Variants in SYN2 observed in about 807,000 individuals in gnomAD.
SYN2 encodes the protein synapsin II.
A neutral mutation model predicts 50.9 loss-of-function variants in SYN2; 19 were observed. The observed-to-expected ratio is 0.37, with a 90% confidence interval of 0.26 to 0.55. The LOEUF (loss-of-function observed/expected upper bound fraction) is 0.55, where lower values mean the gene tolerates loss of function less well. Ranked by LOEUF, SYN2 falls within the 20% of genes least tolerant of loss-of-function variation. The probability of loss-of-function intolerance (pLI) is 0.81; values close to 1 mark genes in which losing one functional copy is unlikely to be tolerated. For missense variants in SYN2, 587 were observed against 576.4 expected, an observed-to-expected ratio of 1.02 and a Z score of -0.19; for synonymous variants, 255 against 224.9, an observed-to-expected ratio of 1.13 and a Z score of -1.20.
rs1223322333 is a variant in SYN2 at position 12,191,608 on chromosome 3, C to T, written c.*983C>T. On this transcript the variant is annotated 3_prime_UTR_variant, in exon 13 of 13. Coordinates refer to ENST00000621198, the MANE Select transcript of SYN2 (RefSeq NM_133625.6). Reference sequence around the variant, plus strand: ...TGAGAATGTGTCTGTCCTTTACATACCACTTCTGGGCCTCCTCGCACCTCC... The same window carrying T: ...TGAGAATGTGTCTGTCCTTTACATATCACTTCTGGGCCTCCTCGCACCTCC... 6.6e-6 allele frequency among the ~76,000 whole-genome samples: 1 copy of T among 152,092 alleles called. No individual in the cohort carries two copies. The highest frequency in any genetic ancestry group is 1.5e-5 in the Non-Finnish European group (1 of 68,008).
intron 1 of SYN2, among the ~76,000 whole-genome samples, chr3:12,094,803 G>T (rs952242889): frequency 6.6e-6 from 1 of 152,200 alleles, no homozygotes; most frequent in Non-Finnish European, 1.5e-5. Context: ...TGACTCCCAG[G>T]TGTCATCTTG....
rs1263512819 is a variant in SYN2, at chr3:12,187,395, C to G, written c.1396C>G (p.Gln466Glu). ...QGGPGQPQGMQPPGKVLPPRR... is the reference protein window; with the variant it reads ...QGGPGQPQGMEPPGKVLPPRR... ...GGGCCCTGGGCAACCCCAAGGAATG[C>G]AGCCCCCAGGCAAGGTGCTGCCTCC... The change falls in exon 12 of 13, where the codon CAG becomes GAG. Residue 466 changes from glutamine (Q) to glutamate (E), a missense_variant. By Grantham distance (29) the Gln-to-Glu change is conservative. Coordinates refer to ENST00000621198, the MANE Select transcript of SYN2 (RefSeq NM_133625.6). 6.5e-7 allele frequency: 1 copy of G among 1,548,712 alleles called. No homozygotes were observed. Among genetic ancestry groups the G allele is most frequent in the African/African-American group, 1.4e-5 (1 of 73,008 alleles).
chr3:12,109,147 C>T (rs968201277), intron 1 of SYN2, among the ~76,000 whole-genome samples: 3 of 152,050 alleles, frequency 2.0e-5, no homozygotes, highest in African/African-American at 7.2e-5. Flanking sequence ...GGAACACAGT[C>T]AGGGGCCTGG....
intron 1 of SYN2, among the ~76,000 whole-genome samples, chr3:12,041,157 G>A (rs534363623): frequency 2.6e-5 from 4 of 152,280 alleles, no homozygotes; most frequent in African/African-American, 9.6e-5. Context: ...TACTGGGTAT[G>A]GCTTGAATCT....
At chr3:12,185,480 A>G in intron 11 of SYN2, 1 of 985,882 alleles carries the variant, frequency 1.0e-6, no homozygotes, top group African/African-American at 1.7e-5. Flanking sequence ...AGCAGATAGC[A>G]TAACCTGACT....
intron 1 of SYN2, among the ~76,000 whole-genome samples, chr3:12,120,221 A>G (rs1320088991): frequency 6.6e-6 from 1 of 152,208 alleles, no homozygotes; most frequent in African/African-American, 2.4e-5. Context: ...TCACACAGCA[A>G]GCTAGTGACA....
At chr3:12,135,566 T>C (rs1056014394) in intron 1 of SYN2, among the ~76,000 whole-genome samples, 1 of 152,254 alleles carries the variant, frequency 6.6e-6, no homozygotes, top group Non-Finnish European at 1.5e-5. Flanking sequence ...TTGATCCTTA[T>C]GCAAATTCCA....
chr3:12,034,663 A>G (rs558417793), intron 1 of SYN2, among the ~76,000 whole-genome samples: 4 of 152,254 alleles, frequency 2.6e-5, no homozygotes, highest in African/African-American at 4.8e-5. Flanking sequence ...AAACTTATCC[A>G]TTATCAGGAA....
At chr3:12,073,305 G>C (rs958680181) in intron 1 of SYN2, among the ~76,000 whole-genome samples, 2 of 152,158 alleles carry the variant, frequency 1.3e-5, no homozygotes, top group Non-Finnish European at 2.9e-5. Context: ...GTCACCCAGC[G>C]AGGTATAATA....
At chr3:12,073,890 A>G (rs1255129369) in intron 1 of SYN2, among the ~76,000 whole-genome samples, 2 of 152,146 alleles carry the variant, frequency 1.3e-5, no homozygotes, top group African/African-American at 4.8e-5. Context: ...ATATTCACAT[A>G]CTTGGTAATT....
At chr3:12,131,779 C>A (rs945754444) in intron 1 of SYN2, among the ~76,000 whole-genome samples, 1 of 152,076 alleles carries the variant, frequency 6.6e-6, no homozygotes, top group African/African-American at 2.4e-5. Context: ...ACTGAAATCA[C>A]AGCTGGGATG....
At chr3:12,157,209 C>A (rs1180244069) in intron 5 of SYN2, among the ~76,000 whole-genome samples, 1 of 152,170 alleles carries the variant, frequency 6.6e-6, no homozygotes, top group Non-Finnish European at 1.5e-5. Flanking sequence ...CCCTCCCTGG[C>A]AATATCCCTG....
chr3:12,009,912 C>T (rs1245379837), intron 1 of SYN2, among the ~76,000 whole-genome samples: 2 of 152,162 alleles, frequency 1.3e-5, no homozygotes, highest in East Asian at 1.9e-4. Context: ...ACCAGCAACA[C>T]GGTGAAACCC....
At position 12,183,297 on chromosome 3, in the gene SYN2, A is replaced by C. The variant is rs757709256; in HGVS notation, c.1309-15A>C. On this transcript the variant is annotated splice_polypyrimidine_tract_variant and intron_variant, in intron 10 of 12. Coordinates refer to ENST00000621198, the MANE Select transcript of SYN2 (RefSeq NM_133625.6). ...TTGGAGTTTTGTTTTTATCTCTTAC[A>C]TTTTTGTCTTCCAGAGCGGAACACT... 3.8e-6 allele frequency: 6 copies of C among 1,595,602 alleles called. No individual in the cohort carries two copies. The highest frequency in any genetic ancestry group is 5.1e-6 in the Non-Finnish European group (6 of 1,174,866).
At chr3:12,149,186 C>A (rs1255549640) in intron 4 of SYN2, among the ~76,000 whole-genome samples, 1 of 152,180 alleles carries the variant, frequency 6.6e-6, no homozygotes, top group Non-Finnish European at 1.5e-5. Flanking sequence ...GTAACTCCCC[C>A]ACATGCTGGA....
intron 7 of SYN2, among the ~76,000 whole-genome samples, chr3:12,162,441 T>C (rs1455033140): frequency 6.6e-6 from 1 of 152,248 alleles, no homozygotes; most frequent in Non-Finnish European, 1.5e-5. Flanking sequence ...AGGTGATTAC[T>C]GATTTTCTTA....
At chr3:12,092,825 G>T (rs1396349006) in intron 1 of SYN2, among the ~76,000 whole-genome samples, 2 of 152,182 alleles carry the variant, frequency 1.3e-5, no homozygotes, top group Admixed American at 6.5e-5. Context: ...GGCCTGTTGA[G>T]CCAGAGTTTG....
At chr3:12,147,547 TG>T (rs1697180519) in intron 4 of SYN2, among the ~76,000 whole-genome samples, 1 of 152,202 alleles carries the variant, frequency 6.6e-6, no homozygotes, top group Non-Finnish European at 1.5e-5. Context: ...GTCTTTTTTG[TG>T]GACCTCCCCT....
intron 7 of SYN2, among the ~76,000 whole-genome samples, chr3:12,163,409 C>A (rs933261118): frequency 6.6e-6 from 1 of 150,944 alleles, no homozygotes; most frequent in African/African-American, 2.4e-5. Flanking sequence ...CTTCTCTTAC[C>A]CCCCCTTTTC....
Sources: gnomAD v4.1 joint callset for allele counts (sites outside exome capture counted in the v4.1 genomes callset) on GRCh38, gnomAD v4.1.1 for gene constraint, MANE v1.5 for transcripts, NCBI Gene and HGNC (gene_info 2026-07-23, HGNC 2026-07-21) for gene names.